Variants in SNX3 observed in about 807,000 individuals in gnomAD.
SNX3 encodes the protein sorting nexin-3.
Under a neutral mutation model 17.7 loss-of-function variants are expected in SNX3, and 5 were observed. The ratio of observed to expected loss-of-function variants is 0.28; its 90% CI spans 0.15 to 0.59. SNX3 has a LOEUF of 0.59. Among genes scored for constraint, SNX3 ranks in the 20% least tolerant of loss-of-function variants. The pLI is 0.88. For missense variants in SNX3, 132 were observed against 206.8 expected (o/e 0.64, Z 2.22); for synonymous variants, 91 against 76.5 (o/e 1.19, Z -0.99).
intron 1 of SNX3, among the ~76,000 whole-genome samples, chr6:108,242,518 C>T (rs901687822): frequency 2.0e-5 from 3 of 152,094 alleles, no homozygotes; most frequent in Non-Finnish European, 4.4e-5. Context: ...ATATTCAGAG[C>T]GCTCAAAGAA....
At chr6:108,259,452 C>T (rs748803404) in intron 1 of SNX3, among the ~76,000 whole-genome samples, 12 of 152,034 alleles carry the variant, frequency 7.9e-5, no homozygotes, top group Non-Finnish European at 1.6e-4. Context: ...AGGCTGGTGT[C>T]GAACTCCTGA....
intron 1 of SNX3, among the ~76,000 whole-genome samples, chr6:108,253,752 T>C (rs771053753): frequency 2.6e-5 from 4 of 152,178 alleles, no homozygotes; most frequent in Non-Finnish European, 4.4e-5. Context: ...TGTCTATCTA[T>C]CTCAGTGAGA....
intron 1 of SNX3, among the ~76,000 whole-genome samples, chr6:108,239,307 C>G (rs1267661457): frequency 6.6e-6 from 1 of 152,024 alleles, no homozygotes; most frequent in Non-Finnish European, 1.5e-5. Flanking sequence ...TACGATCATG[C>G]CAAATTACTT....
intron 1 of SNX3, 55 bp downstream of exon 1, chr6:108,260,705 G>C: frequency 6.2e-7 from 1 of 1,603,658 alleles, no homozygotes; most frequent in East Asian, 2.2e-5. Context: ...GGTCGAGTGG[G>C]GGTGACCAGA....
chr6:108,249,404 G>A (rs7748114), intron 1 of SNX3, among the ~76,000 whole-genome samples: 192 of 152,272 alleles, frequency 1.3e-3, no homozygotes, highest in African/African-American at 4.5e-3. Flanking sequence ...CCTGGCAACA[G>A]AGCGAGACTC....
chr6:108,214,299 G>C (rs1343871151), intron 3 of SNX3, among the ~76,000 whole-genome samples, 199 bp downstream of exon 3: 1 of 152,166 alleles, frequency 6.6e-6, no homozygotes, highest in African/African-American at 2.4e-5. Context: ...TCAACACAAA[G>C]ATGCTCATTT....
intron 1 of SNX3, among the ~76,000 whole-genome samples, chr6:108,237,461 C>T (rs894755095): frequency 8.6e-5 from 13 of 152,026 alleles, no homozygotes; most frequent in Admixed American, 5.9e-4. Context: ...ACTTAGAATG[C>T]TAATAAGTGT....
chr6:108,252,903 G>A (rs555674522), intron 1 of SNX3, among the ~76,000 whole-genome samples: 5 of 152,222 alleles, frequency 3.3e-5, no homozygotes, highest in African/African-American at 7.2e-5. Flanking sequence ...CTCCCAAAGC[G>A]CTGGGATTAC....
At chr6:108,218,688 A>C (rs1774661530) in intron 2 of SNX3, among the ~76,000 whole-genome samples, 1 of 152,262 alleles carries the variant, frequency 6.6e-6, no homozygotes, top group Non-Finnish European at 1.5e-5. Context: ...ATAAAAAGAA[A>C]TGAAGTAATT....
At chr6:108,213,806 A>G (rs1033857251) in intron 3 of SNX3, among the ~76,000 whole-genome samples, 2 of 152,214 alleles carry the variant, frequency 1.3e-5, no homozygotes, top group Admixed American at 1.3e-4. Flanking sequence ...ATCACTAGAT[A>G]AAATTTACAG....
At position 108,260,993 on chromosome 6, in the gene SNX3, G is replaced by C; in HGVS notation, c.-72C>G. 7.3e-7 allele frequency: 1 copy of C among 1,370,238 alleles called. No individual in the cohort carries two copies. Among genetic ancestry groups the C allele is most frequent in the Non-Finnish European group, 9.5e-7 (1 of 1,054,376 alleles). The allele number at this position is 1,370,238 out of a possible 1,614,324, so 84.9% of individuals were successfully genotyped here. On this transcript the variant is annotated 5_prime_UTR_variant, in exon 1 of 4. Transcript: ENST00000230085. Reference sequence around the variant, plus strand: ...GCGTTCAGCCGCCGCCGCCGCCGCTGCTGCCCGCCGTGGGGACACGGGGCT... The same window carrying C: ...GCGTTCAGCCGCCGCCGCCGCCGCTCCTGCCCGCCGTGGGGACACGGGGCT...
At chr6:108,260,046 G>C (rs771222498) in intron 1 of SNX3, among the ~76,000 whole-genome samples, 1 of 152,084 alleles carries the variant, frequency 6.6e-6, no homozygotes, top group Non-Finnish European at 1.5e-5. Context: ...TATTTCTGTT[G>C]ATTTCTTTAT....
intron 1 of SNX3, among the ~76,000 whole-genome samples, chr6:108,250,444 C>T (rs920270437): frequency 1.3e-5 from 2 of 152,068 alleles, no homozygotes; most frequent in Non-Finnish European, 2.9e-5. Context: ...AAGGTAAGCC[C>T]ATAATTTGCC....
At chr6:108,225,079 G>A (rs570401271) in intron 1 of SNX3, among the ~76,000 whole-genome samples, 1 of 151,928 alleles carries the variant, frequency 6.6e-6, no homozygotes, top group Non-Finnish European at 1.5e-5. Context: ...TCAGGAGATC[G>A]AGACCATCCT....
In SNX3 at chr6:108,260,931, G is replaced by A; in HGVS notation, c.-10C>T. ...CCACGGTCTCCGCCATTTCGCTGTA[G>A]CTGCTGCCGCCGCCGCGGGCTCCCT... On this transcript the variant is annotated 5_prime_UTR_variant, in exon 1 of 4. Transcript: ENST00000230085. 1 of 1,561,546 alleles carries A rather than the reference G, an allele frequency of 6.4e-7. No individual in the cohort carries two copies. Among genetic ancestry groups the A allele is most frequent in the African/African-American group, 1.4e-5 (1 of 70,866 alleles).
At chr6:108,219,196 T>A (rs531725138) in intron 2 of SNX3, among the ~76,000 whole-genome samples, 11 of 151,934 alleles carry the variant, frequency 7.2e-5, no homozygotes, top group East Asian at 5.8e-4. Context: ...TAAAAATTTT[T>A]AAAAAATGAA....
intron 1 of SNX3, among the ~76,000 whole-genome samples, chr6:108,230,348 T>C (rs1004856332): frequency 6.6e-6 from 1 of 152,154 alleles, no homozygotes; most frequent in African/African-American, 2.4e-5. Flanking sequence ...TCCTAGCTAC[T>C]GTTCATTTTA....
intron 1 of SNX3, among the ~76,000 whole-genome samples, chr6:108,242,608 G>A (rs1775553391): frequency 6.6e-6 from 1 of 152,176 alleles, no homozygotes; most frequent in South Asian, 2.1e-4. Context: ...GCCACCCCTT[G>A]GCATACACAC....
intron 1 of SNX3, among the ~76,000 whole-genome samples, chr6:108,246,609 C>T (rs1228753889): frequency 6.6e-6 from 1 of 151,666 alleles, no homozygotes; most frequent in African/African-American, 2.4e-5. Flanking sequence ...GGATTATAGG[C>T]GTGAGACACT....
Sources: allele counts gnomAD v4.1 joint callset (sites outside exome capture counted in the v4.1 genomes callset), GRCh38; gene constraint gnomAD v4.1.1; transcripts MANE v1.5; gene names NCBI Gene and HGNC (gene_info 2026-07-23, HGNC 2026-07-21).